The following SUPT3H variants were observed in gnomAD, a reference collection of about 807,000 sequenced individuals.
The protein encoded by SUPT3H is transcription initiation protein SPT3 homolog.
Under a neutral mutation model 44.3 loss-of-function variants are expected in SUPT3H, and 44 were observed. The ratio of observed to expected loss-of-function variants is 0.99; its 90% CI spans 0.78 to 1.28. SUPT3H has a LOEUF of 1.28. Among genes scored for constraint, SUPT3H ranks in the 50% most tolerant of loss-of-function variants. The probability of loss-of-function intolerance (pLI) is 0.00; values close to 1 mark genes in which losing one functional copy is unlikely to be tolerated. For synonymous variants in SUPT3H, 124 were observed against 125.6 expected, an observed-to-expected ratio of 0.99 and a Z score of 0.09; for missense variants, 380 against 387.1, an observed-to-expected ratio of 0.98 and a Z score of 0.15.
intron 2 of SUPT3H, among the ~76,000 whole-genome samples, chr6:45,358,732 G>T (rs549771750): frequency 1.3e-5 from 2 of 152,102 alleles, no homozygotes; most frequent in East Asian, 3.9e-4. Flanking sequence ...TCAGATTTTT[G>T]AAAGTTAATA....
At chr6:45,102,378 G>A (rs997321731) in intron 3 of SUPT3H, among the ~76,000 whole-genome samples, 4 of 152,038 alleles carry the variant, frequency 2.6e-5, no homozygotes, top group Non-Finnish European at 4.4e-5. Flanking sequence ...AAGAATTAAC[G>A]AGAGAGGTGA....
intron 10 of SUPT3H, among the ~76,000 whole-genome samples, chr6:44,879,525 T>A (rs1777861278): frequency 6.6e-6 from 1 of 152,220 alleles, no homozygotes; most frequent in South Asian, 2.1e-4. Flanking sequence ...TATTCCTGCC[T>A]GCTGGTTCTG....
intron 2 of SUPT3H, among the ~76,000 whole-genome samples, chr6:45,214,311 T>C (rs1314526038): frequency 6.6e-6 from 1 of 151,818 alleles, no homozygotes; most frequent in Non-Finnish European, 1.5e-5. Flanking sequence ...AATTGCCAAA[T>C]GGGAATGTAA....
intron 10 of SUPT3H, among the ~76,000 whole-genome samples, chr6:44,852,788 T>G (rs1199811475): frequency 6.6e-6 from 1 of 152,158 alleles, no homozygotes; most frequent in Non-Finnish European, 1.5e-5. Context: ...AAACAAGTAA[T>G]TTGTATAAAA....
At chr6:45,163,041 G>A (rs951480237) in intron 2 of SUPT3H, among the ~76,000 whole-genome samples, 7 of 152,136 alleles carry the variant, frequency 4.6e-5, no homozygotes, top group Admixed American at 4.6e-4. Flanking sequence ...GCTGGCCTAT[G>A]AAATTACAGA....
chr6:45,219,008 C>A (rs375280710), intron 2 of SUPT3H, among the ~76,000 whole-genome samples: 11 of 152,108 alleles, frequency 7.2e-5, no homozygotes, highest in African/African-American at 2.6e-4. Flanking sequence ...TCTAAATAAT[C>A]CATGGGTCAA....
chr6:44,883,563 T>TA (rs1344487685), intron 10 of SUPT3H, among the ~76,000 whole-genome samples: 1 of 152,208 alleles, frequency 6.6e-6, no homozygotes, highest in African/African-American at 2.4e-5. Flanking sequence ...AGAGCTCATA[T>TA]AGCTAAGACA....
chr6:45,078,306 C>T (rs865815433), intron 3 of SUPT3H, among the ~76,000 whole-genome samples: 26 of 152,144 alleles, frequency 1.7e-4, no homozygotes, highest in Admixed American at 2.0e-4. Flanking sequence ...TCGACTTTTC[C>T]ACTCTGCCAC....
At chr6:45,133,482 T>A (rs1203684746) in intron 2 of SUPT3H, among the ~76,000 whole-genome samples, 1 of 152,198 alleles carries the variant, frequency 6.6e-6, no homozygotes, top group Non-Finnish European at 1.5e-5. Flanking sequence ...ATGCTAAGAT[T>A]GATCCAGTCC....
intron 2 of SUPT3H, among the ~76,000 whole-genome samples, chr6:45,217,646 T>C (rs1022716449): frequency 6.6e-6 from 1 of 152,140 alleles, no homozygotes; most frequent in Non-Finnish European, 1.5e-5. Context: ...ATTCCAACAC[T>C]TTGGGAGGCC....
intron 2 of SUPT3H, among the ~76,000 whole-genome samples, chr6:45,285,776 G>A (rs1470334935): frequency 3.9e-5 from 6 of 152,064 alleles, no homozygotes; most frequent in African/African-American, 1.5e-4. Context: ...AAAAGAGCCT[G>A]CATTGCCAAG....
At chr6:45,182,613 A>G (rs1193000445) in intron 2 of SUPT3H, among the ~76,000 whole-genome samples, 1 of 152,184 alleles carries the variant, frequency 6.6e-6, no homozygotes, top group Non-Finnish European at 1.5e-5. Context: ...GTTCACTGCA[A>G]AAGGTTTCAA....
intron 7 of SUPT3H, among the ~76,000 whole-genome samples, chr6:44,960,303 A>G (rs1775825457): frequency 6.6e-6 from 1 of 151,134 alleles, no homozygotes; most frequent in East Asian, 2.0e-4. Flanking sequence ...GCTACTCAGG[A>G]GGTTGAGGCA....
intron 1 of SUPT3H, among the ~76,000 whole-genome samples, chr6:45,369,949 A>G (rs1157294064): frequency 6.6e-6 from 1 of 152,220 alleles, no homozygotes; most frequent in Non-Finnish European, 1.5e-5. Flanking sequence ...GTGTGGCTAG[A>G]AAGATATGAA....
At chr6:45,311,485 A>G (rs1783940443) in intron 2 of SUPT3H, among the ~76,000 whole-genome samples, 1 of 152,232 alleles carries the variant, frequency 6.6e-6, no homozygotes, top group Non-Finnish European at 1.5e-5. Context: ...TTCATCACAA[A>G]AAGATCAATG....
At chr6:44,812,240 A>T (rs910793204) in intron 11 of SUPT3H, among the ~76,000 whole-genome samples, 50 of 152,208 alleles carry the variant, frequency 3.3e-4, no homozygotes, top group African/African-American at 1.2e-3. Flanking sequence ...TGGAGGCTAT[A>T]GGGAAGAATC....
chr6:45,114,300 C>T (rs900198397), intron 2 of SUPT3H, among the ~76,000 whole-genome samples: 2 of 151,422 alleles, frequency 1.3e-5, no homozygotes, highest in African/African-American at 2.4e-5. Flanking sequence ...GTTTACATTC[C>T]GATGAGGAAA....
At chr6:44,988,750 T>C (rs1780184912) in intron 6 of SUPT3H, among the ~76,000 whole-genome samples, 2 of 152,250 alleles carry the variant, frequency 1.3e-5, no homozygotes, top group East Asian at 1.9e-4. Context: ...ATTTGATAGA[T>C]ATTGCCACAT....
At chr6:44,991,463 T>C (rs1780601512) in intron 6 of SUPT3H, among the ~76,000 whole-genome samples, 1 of 151,998 alleles carries the variant, frequency 6.6e-6, no homozygotes, top group Non-Finnish European at 1.5e-5. Context: ...GCTAATACAA[T>C]AGATTATACT....
Sources: allele counts gnomAD v4.1 joint callset (sites outside exome capture counted in the v4.1 genomes callset), GRCh38; gene constraint gnomAD v4.1.1; transcripts MANE v1.5; gene names NCBI Gene and HGNC (gene_info 2026-07-23, HGNC 2026-07-21).